Variants in AGMO observed in about 807,000 individuals in gnomAD.
The protein encoded by AGMO is alkylglycerol monooxygenase.
Under a neutral mutation model 60.2 loss-of-function variants are expected in AGMO, and 75 were observed. The ratio of observed to expected loss-of-function variants is 1.25; its 90% confidence interval spans 1.03 to 1.51. AGMO has a LOEUF of 1.51. Ranked by LOEUF, AGMO falls within the 40% of genes most tolerant of loss-of-function variation. The pLI is 0.00. For missense variants in AGMO, 763 were observed against 525.5 expected, an observed-to-expected ratio of 1.45 and a Z score of -4.42; for synonymous variants, 261 against 177.1, an observed-to-expected ratio of 1.47 and a Z score of -3.76.
chr7:15,317,195 T>C (rs560323272), intron 12 of AGMO, among the ~76,000 whole-genome samples: 16 of 152,168 alleles, frequency 1.1e-4, no homozygotes, highest in African/African-American at 2.7e-4. Context: ...TTTCAGTACA[T>C]TGGGGATCAG....
chr7:15,461,511 T>G (rs1448850974), intron 3 of AGMO, among the ~76,000 whole-genome samples: 3 of 152,064 alleles, frequency 2.0e-5, no homozygotes, highest in Non-Finnish European at 4.4e-5. Context: ...TACTCAAAAA[T>G]TAGGATGGTC....
chr7:15,297,415 T>A (rs890355403), intron 12 of AGMO, among the ~76,000 whole-genome samples: 1 of 152,182 alleles, frequency 6.6e-6, no homozygotes, highest in African/African-American at 2.4e-5. Flanking sequence ...TCAAATATCA[T>A]TACAGAAATG....
intron 12 of AGMO, among the ~76,000 whole-genome samples, chr7:15,238,054 C>G (rs1392246600): frequency 6.6e-6 from 1 of 152,000 alleles, no homozygotes; most frequent in East Asian, 1.9e-4. Flanking sequence ...CCTTAATGAC[C>G]TACAGTGCAT....
At chr7:15,119,239 G>T in the AGMO span, among the ~76,000 whole-genome samples, 1 of 151,748 alleles carries the variant, frequency 6.6e-6, no homozygotes, top group Admixed American at 6.6e-5. Context: ...CATGTGAAGT[G>T]CCTCACTTCC....
intron 3 of AGMO, among the ~76,000 whole-genome samples, chr7:15,511,376 A>AT (rs989459758): frequency 6.6e-6 from 1 of 152,014 alleles, no homozygotes; most frequent in Non-Finnish European, 1.5e-5. Context: ...CCAGGAATCA[A>AT]TTTTTTTTCT....
At chr7:15,267,741 G>C (rs1199978641) in intron 12 of AGMO, among the ~76,000 whole-genome samples, 1 of 151,938 alleles carries the variant, frequency 6.6e-6, no homozygotes, top group East Asian at 1.9e-4. Context: ...ACATTGAAGA[G>C]CAGTGATTAC....
chr7:15,422,198 T>G (rs6972834), intron 4 of AGMO, among the ~76,000 whole-genome samples: 26,592 of 151,874 alleles, frequency 0.18, 2,409 homozygotes, highest in Non-Finnish European at 0.2. Context: ...CCTCTATGTT[T>G]CTCTGATAAC....
At chr7:15,472,173 T>C (rs1782465200) in intron 3 of AGMO, among the ~76,000 whole-genome samples, 1 of 151,888 alleles carries the variant, frequency 6.6e-6, no homozygotes, top group Non-Finnish European at 1.5e-5. Flanking sequence ...TCACTCTACC[T>C]GGTACTCAGT....
At chr7:15,348,922 T>C (rs1236098015) in intron 12 of AGMO, among the ~76,000 whole-genome samples, 2 of 152,166 alleles carry the variant, frequency 1.3e-5, no homozygotes, top group Non-Finnish European at 2.9e-5. Context: ...AAGTAGAAAA[T>C]AGAACCTCAA....
At chr7:15,454,547 A>T (rs1181873272) in intron 3 of AGMO, among the ~76,000 whole-genome samples, 2 of 152,112 alleles carry the variant, frequency 1.3e-5, no homozygotes, top group African/African-American at 4.8e-5. Context: ...CCTATATAAG[A>T]TCGTCATTGT....
chr7:15,529,242 G>A (rs1583649798), intron 3 of AGMO, among the ~76,000 whole-genome samples: 1 of 151,506 alleles, frequency 6.6e-6, no homozygotes, highest in East Asian at 1.9e-4. Flanking sequence ...TGTAGTACTG[G>A]GGTGGTTATA....
intron 3 of AGMO, among the ~76,000 whole-genome samples, chr7:15,511,686 C>T (rs924507646): frequency 6.6e-6 from 1 of 152,188 alleles, no homozygotes; most frequent in East Asian, 1.9e-4. Flanking sequence ...CGCTGATTAA[C>T]TTGATGTGCT....
At chr7:15,458,939 A>T (rs1782065815) in intron 3 of AGMO, among the ~76,000 whole-genome samples, 1 of 152,158 alleles carries the variant, frequency 6.6e-6, no homozygotes, top group Non-Finnish European at 1.5e-5. Context: ...ATCATATATC[A>T]GATTGAAGCA....
intron 3 of AGMO, among the ~76,000 whole-genome samples, chr7:15,530,937 C>T (rs981647688): frequency 1.8e-4 from 16 of 87,720 alleles, no homozygotes; most frequent in South Asian, 6.4e-4. Flanking sequence ...GATGGAGTTT[C>T]GCTCTTTTTT....
At chr7:15,539,379 A>G (rs1784562054) in intron 3 of AGMO, among the ~76,000 whole-genome samples, 1 of 152,164 alleles carries the variant, frequency 6.6e-6, no homozygotes, top group South Asian at 2.1e-4. Flanking sequence ...CCCACTTAAA[A>G]GTGAGAACAT....
chr7:15,342,730 T>C (rs1259109976), intron 12 of AGMO, among the ~76,000 whole-genome samples: 1 of 127,222 alleles, frequency 7.9e-6, no homozygotes, highest in African/African-American at 3.0e-5. Flanking sequence ...AATTTTCTGA[T>C]CAACATAGTC....
intron 12 of AGMO, among the ~76,000 whole-genome samples, chr7:15,359,266 G>A (rs192065297): frequency 7.2e-6 from 1 of 138,198 alleles, no homozygotes; most frequent in East Asian, 2.2e-4. Flanking sequence ...TGCAGCCTCA[G>A]CAACAGAGCA....
rs1563086517 is a variant in AGMO at position 15,322,603 on chromosome 7, AATATATATAAATATATAAAT to A, written c.1263+42891_1263+42910del. ...ATATATAAATATATAAATATATATA[AATATATATAAATATATAAAT>A]ATATATAAATATATATAAATATATA... is the stretch of plus-strand genomic sequence containing the variant. On this transcript the variant is annotated intron_variant, in intron 12 of 12. Transcript: ENST00000342526. Among the ~76,000 whole-genome samples the A allele has an allele frequency of 1.8e-4, 5 of 27,310 alleles. 1 individual carries two copies. The highest frequency in any genetic ancestry group is 3.0e-4 in the Non-Finnish European group (5 of 16,480). The allele number at this position is 27,310 out of a possible 152,430, so 17.9% of individuals were successfully genotyped here.
At chr7:15,416,079 G>A (rs1460831717) in intron 5 of AGMO, among the ~76,000 whole-genome samples, 4 of 148,354 alleles carry the variant, frequency 2.7e-5, no homozygotes, top group African/African-American at 1.0e-4. Context: ...TGTCGCCCAG[G>A]CTGGAGTGCA....
Sources: allele counts gnomAD v4.1 joint callset (sites outside exome capture counted in the v4.1 genomes callset), GRCh38; gene constraint gnomAD v4.1.1; transcripts MANE v1.5; gene names NCBI Gene and HGNC (gene_info 2026-07-23, HGNC 2026-07-21).